Variants in PCDHGB1 observed in about 807,000 individuals in gnomAD.
PCDHGB1 encodes protocadherin gamma subfamily B, 1.
Under a neutral mutation model 56.6 loss-of-function variants are expected in PCDHGB1, and 34 were observed. The ratio of observed to expected loss-of-function variants is 0.60; its 90% CI spans 0.46 to 0.80. PCDHGB1 has a LOEUF of 0.80. Ranked by LOEUF, PCDHGB1 falls within the 30% of genes least tolerant of loss-of-function variation. The probability of loss-of-function intolerance (pLI) is 0.00; values close to 1 mark genes in which losing one functional copy is unlikely to be tolerated. For missense variants in PCDHGB1, 1,278 were observed against 1,204.6 expected, an observed-to-expected ratio of 1.06 and a Z score of -0.90; for synonymous variants, 561 against 505.9, an observed-to-expected ratio of 1.11 and a Z score of -1.46.
chr5:141,395,542 TTGTGTG>T (rs55729045), intron 1 of PCDHGB1: 20,097 of 170,756 alleles, frequency 0.12, 1,101 homozygotes, highest in Admixed American at 0.15. Context: ...TTGCTATTGT[TTGTGTG>T]TGTGTGTGTG....
At position 141,476,901 on chromosome 5, in the gene PCDHGB1, G is replaced by C; in HGVS notation, c.2410-17906G>C. On this transcript the variant is annotated intron_variant, in intron 1 of 3. Coordinates refer to ENST00000523390, the MANE Select transcript of PCDHGB1 (RefSeq NM_018922.3). The surrounding 1 kb of genome is among the most constrained non-coding windows in gnomAD (Gnocchi z 7.6). ...CTGGAGGATGCACCCTCCGGCACGC[G>C]CGTGGTACAAGTCCTTGCAACGGAT... The C allele has an allele frequency of 1.2e-6, 2 of 1,613,900 alleles. No homozygotes were observed. Among genetic ancestry groups the C allele is most frequent in the Non-Finnish European group, 1.7e-6 (2 of 1,180,034 alleles).
chr5:141,506,847 T>C lies in PCDHGB1; in HGVS notation c.2557+1366T>C, dbSNP rs146737657. ...GAACTGATAGCCCTGCCCTCCAGCA[T>C]GTCTGGAGGACTGGTGGGTAGAGAA... On this transcript the variant is annotated intron_variant, in intron 3 of 3. Coordinates refer to ENST00000523390, the MANE Select transcript of PCDHGB1 (RefSeq NM_018922.3). 3.7e-3 allele frequency among the ~76,000 whole-genome samples: 564 copies of C among 152,318 alleles called. 5 individuals are homozygous for C. Among genetic ancestry groups the C allele is most frequent in the Admixed American group, 0.011 (164 of 15,302 alleles).
chr5:141,502,900 T>C (rs1433421797), intron 2 of PCDHGB1, among the ~76,000 whole-genome samples: 2 of 147,288 alleles, frequency 1.4e-5, no homozygotes, highest in Non-Finnish European at 3.0e-5. Flanking sequence ...TCTAGCTCTG[T>C]TGCCAGGCTG....
At chr5:141,460,425 G>A (rs953425058) in intron 1 of PCDHGB1, among the ~76,000 whole-genome samples, 3 of 152,114 alleles carry the variant, frequency 2.0e-5, no homozygotes. Flanking sequence ...TATGTATGGT[G>A]TATGGTGTGA....
intron 1 of PCDHGB1, chr5:141,384,111 G>A: frequency 6.2e-7 from 1 of 1,604,746 alleles, no homozygotes; most frequent in Non-Finnish European, 8.5e-7. Context: ...ATTATAGATT[G>A]GTCACAACCA....
At chr5:141,355,176 C>T (rs1424920703) in intron 1 of PCDHGB1, 15 of 1,579,122 alleles carry the variant, frequency 9.5e-6, no homozygotes, top group African/African-American at 1.4e-5. Flanking sequence ...AACCGAAGCA[C>T]AGGCGACTCC....
chr5:141,407,529 T>G (rs2154538729), intron 1 of PCDHGB1, among the ~76,000 whole-genome samples: 1 of 151,552 alleles, frequency 6.6e-6, no homozygotes, highest in South Asian at 2.1e-4. Context: ...CTTAACTTAT[T>G]GTGCATTGGT....
In PCDHGB1 at chr5:141,491,807, G is replaced by A; in HGVS notation, c.2410-3000G>A. On this transcript the variant is annotated intron_variant, in intron 1 of 3. Transcript: ENST00000523390. The surrounding 1 kb of genome is among the most constrained non-coding windows in gnomAD (Gnocchi z 6.9). ...CATCCACTCCTCTCCGGCCGGCTTG[G>A]TCGCTGGCTGCGCTCCACCCGATTC... is the stretch of plus-strand genomic sequence containing the variant. 1 of 1,491,112 alleles carries A rather than the reference G, an allele frequency of 6.7e-7. No homozygotes were observed. The highest frequency in any genetic ancestry group is 1.4e-5 in the South Asian group (1 of 73,752). The allele number at this position is 1,491,112 out of a possible 1,614,324, so 92.4% of individuals were successfully genotyped here. A position where few individuals can be genotyped will look rare whatever the true frequency, so the allele number is the denominator to read the frequency against.
chr5:141,366,152 C>T (rs62378419), intron 1 of PCDHGB1: 45,753 of 1,614,134 alleles, frequency 0.028, 734 homozygotes, highest in Middle Eastern at 0.089. Flanking sequence ...GTCCTACCGC[C>T]TGCTTAAGGC....
At chr5:141,372,044 GT>G in intron 1 of PCDHGB1, 1 of 1,613,502 alleles carries the variant, frequency 6.2e-7, no homozygotes, top group Non-Finnish European at 8.5e-7. Context: ...GCCTGCGCGT[GT>G]TGGTGGACGA....
intron 1 of PCDHGB1, chr5:141,394,981 G>T: frequency 6.2e-7 from 1 of 1,613,964 alleles, no homozygotes; most frequent in Non-Finnish European, 8.5e-7. Flanking sequence ...CACAAGTCAC[G>T]CCTGCTCCAG....
At chr5:141,406,777 C>G (rs1235306644) in intron 1 of PCDHGB1, among the ~76,000 whole-genome samples, 1 of 152,150 alleles carries the variant, frequency 6.6e-6, no homozygotes, top group Non-Finnish European at 1.5e-5. Flanking sequence ...ATTTCTCTCA[C>G]TTATATATTA....
intron 1 of PCDHGB1, chr5:141,385,127 T>C: frequency 6.2e-7 from 1 of 1,614,222 alleles, no homozygotes. Context: ...TTTGTGGGCA[T>C]GGACGGGGTG....
intron 1 of PCDHGB1, chr5:141,365,695 C>T: frequency 6.2e-7 from 1 of 1,613,656 alleles, no homozygotes; most frequent in Non-Finnish European, 8.5e-7. Context: ...TCCCTCAAGC[C>T]TCCTACTCCA....
chr5:141,403,517 G>A, intron 1 of PCDHGB1: 1 of 1,614,030 alleles, frequency 6.2e-7, no homozygotes, highest in Non-Finnish European at 8.5e-7. Context: ...AGACAATGGA[G>A]CCATAAACCC....
In PCDHGB1 at chr5:141,482,326, GAAT is replaced by G. The variant is rs1344469521; in HGVS notation, c.2410-12479_2410-12477del. Among the ~76,000 whole-genome samples, 3 of 152,072 alleles carry G rather than the reference GAAT, an allele frequency of 2.0e-5. No homozygotes were observed. The East Asian group carries it at 5.8e-4, about 29-fold the overall frequency. ...AGTTTCCTCATCTATAAAATAAAGAGAATATCTACTTTGCAAACTTGTTGTGAG... is the reference window on the plus strand; with the variant it reads ...AGTTTCCTCATCTATAAAATAAAGAGATCTACTTTGCAAACTTGTTGTGAG... On this transcript the variant is annotated intron_variant, in intron 1 of 3. Transcript: ENST00000523390.
rs1000098905 is a variant in PCDHGB1 at position 141,353,769 on chromosome 5, C to T, written c.2409+1100C>T. ...TAAACATGTTGAGATTTTTTTAATG[C>T]ATACTGTCAAATTTATTTCCAAACA... On this transcript the variant is annotated intron_variant, in intron 1 of 3. Coordinates refer to ENST00000523390, the MANE Select transcript of PCDHGB1 (RefSeq NM_018922.3). Among the ~76,000 whole-genome samples, 6 of 152,110 alleles carry T rather than the reference C, an allele frequency of 3.9e-5. No homozygotes were observed. In the South Asian group the frequency reaches 8.3e-4, roughly 21 times the overall value.
intron 1 of PCDHGB1, chr5:141,355,603 A>T: frequency 1.2e-6 from 2 of 1,614,012 alleles, no homozygotes; most frequent in South Asian, 1.1e-5. Context: ...CAGTTTTGGG[A>T]CAGAACAGAG....
intron 1 of PCDHGB1, among the ~76,000 whole-genome samples, chr5:141,452,988 T>C (rs2098753680): frequency 6.6e-6 from 1 of 152,228 alleles, no homozygotes; most frequent in Admixed American, 6.5e-5. Context: ...AGTACTGTGC[T>C]GAAAAGTTAC....
Sources: gnomAD v4.1 joint callset for allele counts (sites outside exome capture counted in the v4.1 genomes callset) on GRCh38, gnomAD v4.1.1 for gene constraint, Gnocchi (gnomAD v3.1) non-coding constraint, MANE v1.5 for transcripts, NCBI Gene and HGNC (gene_info 2026-07-23, HGNC 2026-07-21) for gene names.